The following ZC3H12C variants were observed in gnomAD, a reference collection of about 807,000 sequenced individuals.
ZC3H12C encodes the protein probable ribonuclease ZC3H12C.
In ZC3H12C, 20 loss-of-function variants were observed where a neutral mutation model predicts 76.3. The ratio of observed to expected loss-of-function variants is 0.26; its 90% CI spans 0.18 to 0.38. ZC3H12C has a LOEUF of 0.38. Ranked by LOEUF, ZC3H12C falls within the 10% of genes least tolerant of loss-of-function variation. The pLI is 1.00. For missense variants in ZC3H12C, 874 were observed against 1,086.5 expected (o/e 0.80, Z 2.75); for synonymous variants, 352 against 399.6 (o/e 0.88, Z 1.42).
intron 1 of ZC3H12C, chr11:110,130,941 G>A: frequency 7.9e-7 from 1 of 1,273,008 alleles, no homozygotes; most frequent in Non-Finnish European, 1.1e-6. Flanking sequence ...CCTATGATTG[G>A]CTGTTATTCC....
intron 1 of ZC3H12C, among the ~76,000 whole-genome samples, chr11:110,119,054 A>G (rs554814165): frequency 2.6e-5 from 4 of 152,008 alleles, no homozygotes; most frequent in African/African-American, 9.7e-5. Flanking sequence ...AAAAATAACC[A>G]GGATAAGAAT....
intron 1 of ZC3H12C, among the ~76,000 whole-genome samples, chr11:110,115,748 C>CTTTTTTTTTTTT (rs71476067): frequency 8.3e-6 from 1 of 120,320 alleles, no homozygotes; most frequent in African/African-American, 3.2e-5. Flanking sequence ...TTCTCATTTT[C>CTTTTTTTTTTTT]TTTTTTTTTT....
chr11:110,153,081 C>T, intron 3 of ZC3H12C, 23 bp downstream of exon 3: 2 of 1,604,014 alleles, frequency 1.2e-6, no homozygotes, highest in Non-Finnish European at 8.5e-7. Flanking sequence ...CAGGCGGCTG[C>T]TTGTACCTAG....
At chr11:110,098,031 T>G (rs904954409) in intron 1 of ZC3H12C, among the ~76,000 whole-genome samples, 5 of 152,328 alleles carry the variant, frequency 3.3e-5, no homozygotes, top group African/African-American at 1.2e-4. Flanking sequence ...CAAAAAAAAG[T>G]TAACTGTAAA....
chr11:110,136,958 T>A lies in ZC3H12C; in HGVS notation c.317T>A (p.Ile106Asn), dbSNP rs1279082436. ...SDHESEQLGS[I>N]SVEPGLITKT... is the part of the protein sequence containing the mutation. ...CATGAGTCAGAACAATTGGGTAGCA[T>A]TTCAGTAGAGCCAGGCTTGATAACT... Residue 106 changes from isoleucine (I) to asparagine (N), a missense_variant, in exon 2 of 6, where the codon ATT becomes AAT. This residue lies in a region of ZC3H12C where 210 missense variants were observed against 227.1 expected (regional missense o/e 0.92). Transcript: ENST00000278590. 2 of 1,613,744 alleles carry A rather than the reference T, an allele frequency of 1.2e-6. No individual in the cohort carries two copies. Among genetic ancestry groups the A allele is most frequent in the Non-Finnish European group, 8.5e-7 (1 of 1,179,814 alleles).
chr11:110,115,264 C>G (rs535062012), intron 1 of ZC3H12C, among the ~76,000 whole-genome samples: 1 of 151,814 alleles, frequency 6.6e-6, no homozygotes, highest in African/African-American at 2.4e-5. Context: ...CACCACCACA[C>G]CCAGCTAGTT....
intron 4 of ZC3H12C, among the ~76,000 whole-genome samples, chr11:110,162,781 G>T (rs1862503699): frequency 6.6e-6 from 1 of 152,168 alleles, no homozygotes; most frequent in Non-Finnish European, 1.5e-5. Flanking sequence ...TACTTCGTGG[G>T]ATCATGGTTA....
Position 110,153,036 on chromosome 11 carries a change from C to CCG in ZC3H12C, c.892_893dup (p.Pro299AspfsTer15). The CCG allele has an allele frequency of 6.2e-7, 1 of 1,611,724 alleles. No homozygotes were observed. Among genetic ancestry groups the CCG allele is most frequent in the Non-Finnish European group, 8.5e-7 (1 of 1,178,914 alleles). ...TTCCTGCTTGGAGGAAAGAGCAATC[C>CCG]CGACCTGATGCTCTCATTACAGGTA... On this transcript the variant is annotated frameshift_variant, in exon 3 of 6. Transcript: ENST00000278590. LOFTEE classifies it high-confidence loss of function.
intron 1 of ZC3H12C, among the ~76,000 whole-genome samples, chr11:110,101,253 A>G (rs1390956814): frequency 3.9e-5 from 6 of 152,206 alleles, no homozygotes; most frequent in Non-Finnish European, 7.3e-5. Flanking sequence ...CTGGTTCGTG[A>G]AGTTTAAGGA....
chr11:110,118,037 T>TACACACAC (rs1293251597), intron 1 of ZC3H12C, among the ~76,000 whole-genome samples: 12 of 119,712 alleles, frequency 1.0e-4, no homozygotes, highest in African/African-American at 1.6e-4. Context: ...ATATTATATA[T>TACACACAC]ATATACACAT....
In ZC3H12C at chr11:110,155,254, A is replaced by G. The variant is rs544703091; in HGVS notation, c.913+2196A>G. Among the ~76,000 whole-genome samples the G allele has an allele frequency of 5.5e-4, 84 of 151,658 alleles. 1 individual carries two copies. Among genetic ancestry groups the G allele is most frequent in the African/African-American group, 1.8e-3 (76 of 41,344 alleles). On this transcript the variant is annotated intron_variant, in intron 3 of 5. Coordinates refer to ENST00000278590, the MANE Select transcript of ZC3H12C (RefSeq NM_033390.2). ...GTGGGGGTTGCAGTGAGCCGAGATCATGCCACTGCACTCCAGCCTGGGCAA... is the reference window on the plus strand; with the variant it reads ...GTGGGGGTTGCAGTGAGCCGAGATCGTGCCACTGCACTCCAGCCTGGGCAA...
At chr11:110,105,912 T>C (rs1293981787) in intron 1 of ZC3H12C, among the ~76,000 whole-genome samples, 1 of 152,210 alleles carries the variant, frequency 6.6e-6, no homozygotes, top group Non-Finnish European at 1.5e-5. Flanking sequence ...TATAGGTCTG[T>C]TTAACATTAT....
At chr11:110,122,191 G>T (rs1861662681) in intron 1 of ZC3H12C, among the ~76,000 whole-genome samples, 1 of 152,166 alleles carries the variant, frequency 6.6e-6, no homozygotes, top group Non-Finnish European at 1.5e-5. Context: ...AGAGAGCGTG[G>T]CATCCGAAGG....
intron 2 of ZC3H12C, among the ~76,000 whole-genome samples, chr11:110,151,349 G>T (rs1862268086): frequency 6.6e-6 from 1 of 152,130 alleles, no homozygotes; most frequent in South Asian, 2.1e-4. Context: ...AGAGCCAGAA[G>T]CAATTAAATG....
intron 5 of ZC3H12C, among the ~76,000 whole-genome samples, chr11:110,163,770 A>C (rs1257569305): frequency 1.3e-5 from 2 of 152,184 alleles, no homozygotes; most frequent in Non-Finnish European, 2.9e-5. Flanking sequence ...GACAAGAGGC[A>C]GGTAGGAGTT....
chr11:110,130,864 A>G, intron 1 of ZC3H12C: 5 of 618,192 alleles, frequency 8.1e-6, no homozygotes, highest in Non-Finnish European at 1.4e-5. Context: ...TTAGAAACCT[A>G]CGAACCTGAC....
intron 1 of ZC3H12C, among the ~76,000 whole-genome samples, chr11:110,112,099 T>C (rs1020656408): frequency 2.0e-5 from 3 of 152,162 alleles, no homozygotes; most frequent in African/African-American, 7.2e-5. Flanking sequence ...TAATATCCAT[T>C]GTATTTACAT....
chr11:110,157,122 T>C (rs1378587981), intron 3 of ZC3H12C, among the ~76,000 whole-genome samples: 1 of 148,550 alleles, frequency 6.7e-6, no homozygotes, highest in African/African-American at 2.5e-5. Flanking sequence ...GAGGTTGCAG[T>C]GAGCTGAGAT....
intron 1 of ZC3H12C, among the ~76,000 whole-genome samples, chr11:110,106,455 G>C (rs1565248145): frequency 6.6e-6 from 1 of 152,220 alleles, no homozygotes; most frequent in Non-Finnish European, 1.5e-5. Flanking sequence ...CAGAGAGATG[G>C]AGATTGAGTT....
Sources: allele counts gnomAD v4.1 joint callset (sites outside exome capture counted in the v4.1 genomes callset), GRCh38; gene constraint gnomAD v4.1.1; regional missense constraint gnomAD v4.1.1; transcripts MANE v1.5; gene names NCBI Gene and HGNC (gene_info 2026-07-23, HGNC 2026-07-21).